The following TRPM3 variants were observed in gnomAD, a reference collection of about 807,000 sequenced individuals.
TRPM3 encodes long transient receptor potential channel 3.
In TRPM3, 77 loss-of-function variants were observed where a neutral mutation model predicts 181.2. The observed-to-expected ratio is 0.42, with a 90% confidence interval of 0.35 to 0.51. The LOEUF (loss-of-function observed/expected upper bound fraction) is 0.51. TRPM3 is among the 20% of genes least tolerant of loss of function. The probability of loss-of-function intolerance (pLI) is 0.01; values close to 1 mark genes in which losing one functional copy is unlikely to be tolerated. For synonymous variants in TRPM3, 745 were observed against 796.4 expected (o/e 0.94, Z 1.09); for missense variants, 1,759 against 2,196.7 (o/e 0.80, Z 3.98).
At chr9:70,789,943 G>T (rs2084954716) in intron 6 of TRPM3, among the ~76,000 whole-genome samples, 1 of 152,210 alleles carries the variant, frequency 6.6e-6, no homozygotes, top group Admixed American at 6.5e-5. Context: ...GAGGCATTGT[G>T]AGGGAGAGAG....
At chr9:70,776,201 C>T in intron 7 of TRPM3, 1 of 388,950 alleles carries the variant, frequency 2.6e-6, no homozygotes, top group Non-Finnish European at 4.5e-6. Context: ...TGCACCTCTA[C>T]CTGAGATTTC....
At chr9:71,444,313 T>A (rs2094176156) in intron 1 of TRPM3, among the ~76,000 whole-genome samples, 1 of 152,024 alleles carries the variant, frequency 6.6e-6, no homozygotes, top group Non-Finnish European at 1.5e-5. Flanking sequence ...GTAACAAATG[T>A]CACATTAAAA....
chr9:70,644,199 C>T (rs546003055), intron 9 of TRPM3, among the ~76,000 whole-genome samples: 7 of 152,220 alleles, frequency 4.6e-5, no homozygotes, highest in African/African-American at 1.4e-4. Flanking sequence ...GGGAAGTACT[C>T]GGAAGTAAGC....
chr9:71,087,181 T>C (rs984684696), intron 1 of TRPM3, among the ~76,000 whole-genome samples: 3 of 152,010 alleles, frequency 2.0e-5, no homozygotes, highest in Admixed American at 6.6e-5. Flanking sequence ...TTTTCAGCCT[T>C]ATCTCATATC....
intron 1 of TRPM3, among the ~76,000 whole-genome samples, chr9:71,117,952 TTA>T (rs2072792437): frequency 6.6e-6 from 1 of 152,160 alleles, no homozygotes; most frequent in African/African-American, 2.4e-5. Context: ...ATTCAACATG[TTA>T]CCAAAATAAA....
chr9:71,343,817 A>T (rs1418478150), intron 1 of TRPM3, among the ~76,000 whole-genome samples: 1 of 152,100 alleles, frequency 6.6e-6, no homozygotes, highest in African/African-American at 2.4e-5. Context: ...ATGTGGGGAA[A>T]ATATAAGATG....
intron 1 of TRPM3, among the ~76,000 whole-genome samples, chr9:71,405,067 T>G (rs1041658795): frequency 6.6e-6 from 1 of 152,236 alleles, no homozygotes; most frequent in African/African-American, 2.4e-5. Flanking sequence ...TGGATACCTC[T>G]AAGGCATGGA....
chr9:71,018,568 GA>G (rs1302307146), intron 1 of TRPM3, among the ~76,000 whole-genome samples: 1 of 151,536 alleles, frequency 6.6e-6, no homozygotes, highest in Non-Finnish European at 1.5e-5. Context: ...GATGCAAAGG[GA>G]AAATCCTTAG....
intron 1 of TRPM3, among the ~76,000 whole-genome samples, chr9:71,185,145 A>G (rs1416041036): frequency 6.6e-6 from 1 of 152,110 alleles, no homozygotes; most frequent in Non-Finnish European, 1.5e-5. Context: ...AGGGTAAAAA[A>G]AGTGCTGTGG....
At position 71,065,440 on chromosome 9, in the gene TRPM3, G is replaced by A. The variant is rs764769618; in HGVS notation, c.177+55738C>T. ...ATCAATGAATTAGCCCTCTGAACAC[G>A]GGAGAGTTAAGGGACCATCTGTGCT... On this transcript the variant is annotated intron_variant, in intron 1 of 25. Coordinates refer to ENST00000677713, the MANE Select transcript of TRPM3 (RefSeq NM_001366145.2). Among the ~76,000 whole-genome samples the A allele has an allele frequency of 4.6e-5, 7 of 152,142 alleles. No individual in the cohort carries two copies. In the East Asian group the frequency reaches 1.2e-3, roughly 25 times the overall value.
intron 1 of TRPM3, among the ~76,000 whole-genome samples, chr9:71,375,440 A>G (rs1035223893): frequency 2.6e-5 from 4 of 152,320 alleles, no homozygotes; most frequent in Non-Finnish European, 1.5e-5. Context: ...AATCGAGGCA[A>G]TATCATTCAG....
At chr9:70,909,866 T>C (rs942743798) in intron 1 of TRPM3, among the ~76,000 whole-genome samples, 2 of 152,164 alleles carry the variant, frequency 1.3e-5, no homozygotes, top group African/African-American at 4.8e-5. Flanking sequence ...TACCAGTGCA[T>C]TCCCACCCTA....
intron 1 of TRPM3, among the ~76,000 whole-genome samples, chr9:71,214,385 C>G (rs955467013): frequency 6.6e-6 from 1 of 152,142 alleles, no homozygotes; most frequent in Non-Finnish European, 1.5e-5. Flanking sequence ...CCCAGCATCT[C>G]CATTCCTGGG....
chr9:71,349,741 C>G (rs2091496916), intron 1 of TRPM3, among the ~76,000 whole-genome samples: 1 of 152,026 alleles, frequency 6.6e-6, no homozygotes, highest in Admixed American at 6.5e-5. Flanking sequence ...AACTATTAGA[C>G]TATGTTGTGA....
chr9:71,032,196 A>ATT (rs370818516), intron 1 of TRPM3, among the ~76,000 whole-genome samples: 1,085 of 59,452 alleles, frequency 0.018, 3 homozygotes, highest in Non-Finnish European at 0.025. Flanking sequence ...TATATAATAT[A>ATT]ATATATAATA....
chr9:71,030,161 A>T (rs1189220625), intron 1 of TRPM3, among the ~76,000 whole-genome samples: 1 of 152,220 alleles, frequency 6.6e-6, no homozygotes, highest in African/African-American at 2.4e-5. Context: ...TATATTTTGT[A>T]AAGTTTGTTT....
chr9:70,861,571 C>A (rs556735292), intron 3 of TRPM3, among the ~76,000 whole-genome samples: 16 of 152,302 alleles, frequency 1.1e-4, no homozygotes, highest in African/African-American at 3.4e-4. Flanking sequence ...CTTACAGGGA[C>A]AACTCGCATG....
At chr9:70,872,431 C>T (rs147495421) in intron 1 of TRPM3, among the ~76,000 whole-genome samples, 235 of 152,034 alleles carry the variant, frequency 1.5e-3, no homozygotes, top group Non-Finnish European at 2.7e-3. Context: ...GGACTTTGCT[C>T]CTGTCATTCC....
At chr9:71,220,805 G>A (rs1036025558) in intron 1 of TRPM3, among the ~76,000 whole-genome samples, 5 of 152,024 alleles carry the variant, frequency 3.3e-5, no homozygotes, top group East Asian at 1.9e-4. Flanking sequence ...TCCAAAGAGC[G>A]CTCCCAAGGA....
Sources: allele counts gnomAD v4.1 joint callset (sites outside exome capture counted in the v4.1 genomes callset), GRCh38; gene constraint gnomAD v4.1.1; transcripts MANE v1.5; gene names NCBI Gene and HGNC (gene_info 2026-07-23, HGNC 2026-07-21).